The following RIMBP2 variants were observed in gnomAD, a reference collection of about 807,000 sequenced individuals.
The protein encoded by RIMBP2 is RIMS binding protein 2.
Under a neutral mutation model 118.6 loss-of-function variants are expected in RIMBP2, and 48 were observed. The observed-to-expected ratio is 0.40, with a 90% CI of 0.32 to 0.51. RIMBP2 has a LOEUF of 0.51. Ranked by LOEUF, RIMBP2 falls within the 20% of genes least tolerant of loss-of-function variation. RIMBP2 has a pLI of 0.41. For missense variants in RIMBP2, 1,551 were observed against 1,768.3 expected (o/e 0.88, Z 2.20); for synonymous variants, 762 against 742.9 (o/e 1.03, Z -0.42).
Position 130,442,369 on chromosome 12 carries a change from T to C in RIMBP2, c.983A>G (p.Lys328Arg). The change falls in exon 11 of 23, where the codon AAA (lysine) becomes AGA (arginine). Residue 328 changes from lysine to arginine, a missense_variant. This residue lies in a region of RIMBP2 where 265 missense variants were observed against 349.5 expected (regional missense o/e 0.76). Transcript: ENST00000690449. This position sits in a 1 kb window ranked among gnomAD's most constrained non-coding sequence, Gnocchi z 6.9. ...GGGCTCCCAGCCCACAATAACACTT[T>C]TGGCGAGTTGTTTGATGAGGGTGAT... The part of the protein sequence containing the change: ...RKITLIKQLA[K>R]SVIVGWEPPA... The C allele has an allele frequency of 6.2e-7, 1 of 1,614,154 alleles. No individual in the cohort carries two copies. Among genetic ancestry groups the C allele is most frequent in the Non-Finnish European group, 8.5e-7 (1 of 1,180,018 alleles).
chr12:130,664,443 A>ACG lies in RIMBP2; in HGVS notation c.-351-35988_-351-35987insCG, dbSNP rs1443250789. ...CACGCACACACATGCATGCACGCACACACGCACACACATGCACGCACACAC... is the reference window on the plus strand; with the variant it reads ...CACGCACACACATGCATGCACGCACACGCACGCACACACATGCACGCACACAC... On this transcript the variant is annotated intron_variant, in intron 1 of 22. Transcript: ENST00000690449. Among the ~76,000 whole-genome samples, 7 of 64,616 alleles carry ACG rather than the reference A, an allele frequency of 1.1e-4. 1 individual carries two copies. Among genetic ancestry groups the ACG allele is most frequent in the Non-Finnish European group, 2.5e-4 (6 of 23,752 alleles). 42.4% of individuals were successfully genotyped at this position (64,616 alleles called of 152,430 possible). A position where few individuals can be genotyped will look rare whatever the true frequency, so the allele number is the denominator to read the frequency against.
In RIMBP2 at chr12:130,652,682, AC is replaced by A. The variant is rs372568001; in HGVS notation, c.-351-24227del. 2.1e-3 allele frequency among the ~76,000 whole-genome samples: 318 copies of A among 152,226 alleles called. 2 individuals carry two copies. Among genetic ancestry groups the A allele is most frequent in the Non-Finnish European group, 3.8e-3 (259 of 68,016 alleles). ...TTCATTGCTATAAAGAAATACCTGA[AC>A]CTGGGTGATTTATAAAGAAAAGAGT... is the stretch of plus-strand genomic sequence containing the variant. On this transcript the variant is annotated intron_variant, in intron 1 of 22. Coordinates refer to ENST00000690449, the MANE Select transcript of RIMBP2 (RefSeq NM_001393629.1).
intron 2 of RIMBP2, among the ~76,000 whole-genome samples, chr12:130,534,039 A>G (rs1489388110): frequency 6.6e-6 from 1 of 151,596 alleles, no homozygotes; most frequent in Non-Finnish European, 1.5e-5. Context: ...GGTGGTGCAT[A>G]TCTGTAATCC....
chr12:130,519,184 CAG>C (rs1280932723), intron 2 of RIMBP2, among the ~76,000 whole-genome samples: 55 of 152,220 alleles, frequency 3.6e-4, no homozygotes, highest in African/African-American at 1.3e-3. Context: ...TTCGAGTGCT[CAG>C]AGTCTAGGCT....
chr12:130,455,612 GTT>G (rs1464429377), intron 7 of RIMBP2, among the ~76,000 whole-genome samples: 1 of 152,188 alleles, frequency 6.6e-6, no homozygotes, highest in Non-Finnish European at 1.5e-5. Context: ...GCAGGAGAAT[GTT>G]TTTTAGCAAG....
At position 130,690,073 on chromosome 12, in the gene RIMBP2, C is replaced by T. The variant is rs138238870; in HGVS notation, c.-352+26149G>A. Among the ~76,000 whole-genome samples, 23 of 152,308 alleles carry T rather than the reference C, an allele frequency of 1.5e-4. No individual in the cohort carries two copies. In the East Asian group the frequency reaches 3.1e-3, roughly 20 times the overall value. ...GCCTCTCAGCAACTGGCAGTGCCTT[C>T]GGGTCCTCACTTCTGTCTTCAAAGT... On this transcript the variant is annotated intron_variant, in intron 1 of 22. Coordinates refer to ENST00000690449, the MANE Select transcript of RIMBP2 (RefSeq NM_001393629.1).
chr12:130,509,727 C>CCCCCCA (rs1555273957), intron 3 of RIMBP2, among the ~76,000 whole-genome samples: 1 of 132,764 alleles, frequency 7.5e-6, no homozygotes, highest in African/African-American at 3.1e-5. Context: ...ATGCCCTCTG[C>CCCCCCA]CCCCCCGCCC....
At chr12:130,694,379 A>C (rs756610460) in intron 1 of RIMBP2, among the ~76,000 whole-genome samples, 1 of 152,196 alleles carries the variant, frequency 6.6e-6, no homozygotes, top group Non-Finnish European at 1.5e-5. Flanking sequence ...ATCATCTGAA[A>C]GTGGATATTC....
intron 2 of RIMBP2, among the ~76,000 whole-genome samples, chr12:130,589,027 G>A (rs1223661890): frequency 6.6e-6 from 1 of 152,222 alleles, no homozygotes; most frequent in Non-Finnish European, 1.5e-5. Context: ...TCTGTCCTAA[G>A]CCCTTTCTGT....
chr12:130,420,063 T>C lies in RIMBP2; in HGVS notation c.3238+2390A>G, dbSNP rs977917360. Among the ~76,000 whole-genome samples, 2 of 152,216 alleles carry C rather than the reference T, an allele frequency of 1.3e-5. No individual in the cohort carries two copies. The highest frequency in any genetic ancestry group is 4.8e-5 in the African/African-American group (2 of 41,468). ...AGTAATCCTTTGAAATATAGATTTCTAAAATATTGTTTTCTAGTATTTTCA... is the reference window on the plus strand; with the variant it reads ...AGTAATCCTTTGAAATATAGATTTCCAAAATATTGTTTTCTAGTATTTTCA... On this transcript the variant is annotated intron_variant, in intron 17 of 22. Transcript: ENST00000690449. This position sits in a 1 kb window ranked among gnomAD's most constrained non-coding sequence, Gnocchi z 4.3.
At chr12:130,408,223 C>T (rs2075361640) in intron 19 of RIMBP2, among the ~76,000 whole-genome samples, 1 of 152,182 alleles carries the variant, frequency 6.6e-6, no homozygotes, top group African/African-American at 2.4e-5. Flanking sequence ...TGGGAAGGCC[C>T]CATAGACACA....
intron 11 of RIMBP2, among the ~76,000 whole-genome samples, chr12:130,439,509 G>A (rs1055109168): frequency 2.0e-5 from 3 of 148,990 alleles, no homozygotes; most frequent in African/African-American, 7.4e-5. Flanking sequence ...GTGTCTGTGG[G>A]TGGGTATGTG....
chr12:130,714,866 G>A (rs992475675), intron 1 of RIMBP2, among the ~76,000 whole-genome samples: 2 of 152,138 alleles, frequency 1.3e-5, no homozygotes, highest in African/African-American at 4.8e-5. Flanking sequence ...GCTGATTCCC[G>A]GACAGCCCAG....
Position 130,442,113 on chromosome 12 carries a change from G to T in RIMBP2, c.1239C>A (p.His413Gln). 1 of 1,614,160 alleles carries T rather than the reference G, an allele frequency of 6.2e-7. No individual in the cohort carries two copies. The highest frequency in any genetic ancestry group is 2.2e-5 in the East Asian group (1 of 44,870). Reference protein sequence around the residue: ...VGKDVVVAPSHLRVDNITQIS... With the variant: ...VGKDVVVAPSQLRVDNITQIS... ...TCTGCGTGATGTTGTCCACCCGCAG[G>T]TGGGAGGGGGCCACCACCACGTCCT... Residue 413 changes from histidine (H) to glutamine (Q), a missense_variant, in exon 11 of 23, where the codon CAC (histidine) becomes CAA (glutamine). Around this residue, in one of 5 missense-constraint regions of RIMBP2, gnomAD observed 265 missense variants for 349.5 expected, o/e 0.76. Transcript: ENST00000690449. The surrounding 1 kb of genome is among the most constrained non-coding windows in gnomAD (Gnocchi z 6.9).
intron 4 of RIMBP2, among the ~76,000 whole-genome samples, chr12:130,503,217 T>C (rs1232092640): frequency 1.4e-5 from 2 of 145,326 alleles, no homozygotes; most frequent in East Asian, 2.1e-4. Context: ...CAAAACCCTG[T>C]CTCCACTAAA....
At chr12:130,408,580 G>A (rs183320260) in intron 19 of RIMBP2, among the ~76,000 whole-genome samples, 1 of 152,162 alleles carries the variant, frequency 6.6e-6, no homozygotes, top group Non-Finnish European at 1.5e-5. Flanking sequence ...TCTGCCCAGC[G>A]TGAGCGCTCC....
At position 130,463,750 on chromosome 12, in the gene RIMBP2, C is replaced by T. The variant is rs115998191; in HGVS notation, c.153+6943G>A. On this transcript the variant is annotated intron_variant, in intron 6 of 22. Coordinates refer to ENST00000690449, the MANE Select transcript of RIMBP2 (RefSeq NM_001393629.1). ...TGAATAGGGGCTGGGAAAGATGAGG[C>T]TGAGACCTACTGGGCTGCGTTCCCA... Among the ~76,000 whole-genome samples, 1,096 of 152,196 alleles carry T rather than the reference C, an allele frequency of 7.2e-3. 17 individuals are homozygous for T. Among genetic ancestry groups the T allele is most frequent in the African/African-American group, 0.026 (1,061 of 41,518 alleles).
At chr12:130,402,890 T>C (rs2136306566) in intron 21 of RIMBP2, among the ~76,000 whole-genome samples, 1 of 152,336 alleles carries the variant, frequency 6.6e-6, no homozygotes, top group South Asian at 2.1e-4. Flanking sequence ...GATGCTGGGC[T>C]ATAGCAAGAA....
intron 2 of RIMBP2, among the ~76,000 whole-genome samples, chr12:130,561,191 A>T (rs974153934): frequency 1.3e-5 from 2 of 152,038 alleles, no homozygotes; most frequent in African/African-American, 4.8e-5. Context: ...CCCTGCCAAC[A>T]CCTTGATCTC....
Sources: allele counts gnomAD v4.1 joint callset (sites outside exome capture counted in the v4.1 genomes callset), GRCh38; gene constraint gnomAD v4.1.1; regional missense constraint gnomAD v4.1.1; non-coding constraint Gnocchi (gnomAD v3.1); transcripts MANE v1.5; gene names NCBI Gene and HGNC (gene_info 2026-07-23, HGNC 2026-07-21).